LTBP4: variants seen among roughly 807,000 people sequenced by gnomAD.
The protein encoded by LTBP4 is latent-transforming growth factor beta-binding protein 4.
In LTBP4, 93 loss-of-function variants were observed where a neutral mutation model predicts 180.2. The observed-to-expected ratio is 0.52, with a 90% CI of 0.44 to 0.61. The LOEUF is 0.61. LTBP4 is among the 20% of genes least tolerant of loss of function. The pLI is 0.00. For missense variants in LTBP4, 2,116 were observed against 2,256.5 expected (o/e 0.94, Z 1.26); for synonymous variants, 947 against 934.5 (o/e 1.01, Z -0.24).
Position 40,622,256 on chromosome 19 carries a change from G to A in LTBP4, c.3218-145G>A. On this transcript the variant is annotated intron_variant, in intron 22 of 29. Transcript: ENST00000396819. The surrounding 1 kb of genome is among the most constrained non-coding windows in gnomAD (Gnocchi z 5.1). ...GAGAAAGAGAAACAGTGACAGAGGA[G>A]CGTGAGAGGTGTGGAGTCTGGTTCT... 1 of 806,968 alleles carries A rather than the reference G, an allele frequency of 1.2e-6. No individual in the cohort carries two copies. Among genetic ancestry groups the A allele is most frequent in the Non-Finnish European group, 1.9e-6 (1 of 529,412 alleles). The allele number at this position is 806,968 out of a possible 1,614,324, so 50.0% of individuals were successfully genotyped here.
intron 28 of LTBP4, 142 bp from the exon 29 acceptor site, chr19:40,627,563 G>A (rs2081644804): frequency 7.8e-7 from 1 of 1,279,022 alleles, no homozygotes; most frequent in African/African-American, 1.5e-5. Flanking sequence ...TAAGCTTACT[G>A]GCCCCGCAGC....
rs76805971 is a variant in LTBP4, at chr19:40,627,541, G to T, written c.4367-164G>T. 0.017 allele frequency among the ~76,000 whole-genome samples: 2,600 copies of T among 152,284 alleles called. 55 individuals carry two copies. Among genetic ancestry groups the T allele is most frequent in the African/African-American group, 0.051 (2,136 of 41,556 alleles). ...AGAAGGTGGCAGAGGGAAAGCTGGC[G>T]AGAGAATGAGGTAAGCTTACTGGCC... On this transcript the variant is annotated intron_variant, in intron 28 of 29. Transcript: ENST00000396819.
intron 7 of LTBP4, 103 bp from the exon 8 acceptor site, chr19:40,608,117 C>A: frequency 7.7e-7 from 1 of 1,300,812 alleles, no homozygotes; most frequent in South Asian, 1.3e-5. Context: ...ACCCCTGACA[C>A]TCTCCAGCCA....
In LTBP4 at chr19:40,623,040, C is replaced by T. The variant is rs1300185845; in HGVS notation, c.3556+19C>T. ...CGGAGAGGTGAGGCCAGCCTTTGACCCTCCACCCCACTCAGCTCTGAGGCC... is the reference window on the plus strand; with the variant it reads ...CGGAGAGGTGAGGCCAGCCTTTGACTCTCCACCCCACTCAGCTCTGAGGCC... On this transcript the variant is annotated intron_variant, in intron 24 of 29. Coordinates refer to ENST00000396819, the MANE Select transcript of LTBP4 (RefSeq NM_001042545.2). The T allele has an allele frequency of 1.3e-6, 2 of 1,589,766 alleles. No homozygotes were observed. The highest frequency in any genetic ancestry group is 8.6e-7 in the Non-Finnish European group (1 of 1,167,146).
chr19:40,609,889 C>A lies in LTBP4; in HGVS notation c.1684+18C>A. On this transcript the variant is annotated intron_variant, in intron 11 of 29. Transcript: ENST00000396819. The surrounding 1 kb of genome is among the most constrained non-coding windows in gnomAD (Gnocchi z 4.9). Reference sequence around the variant, plus strand: ...ATGCCTGGGTGAGAAATTTGCCCCACCCGGCTCCAGGCCCACCCCAGGGTC... The same window carrying A: ...ATGCCTGGGTGAGAAATTTGCCCCAACCGGCTCCAGGCCCACCCCAGGGTC... 6.6e-7 allele frequency: 1 copy of A among 1,517,370 alleles called. No homozygotes were observed. The highest frequency in any genetic ancestry group is 1.4e-5 in the African/African-American group (1 of 72,770). 94.0% of individuals were successfully genotyped at this position (1,517,370 alleles called of 1,614,324 possible).
chr19:40,629,246 C>A lies in LTBP4; in HGVS notation c.4520-150C>A. Reference sequence around the variant, plus strand: ...GCACAGTGAGGTTAAGCCACCTGGCCGGGCTCACACAGTTAGCAGATGGCA... The same window carrying A: ...GCACAGTGAGGTTAAGCCACCTGGCAGGGCTCACACAGTTAGCAGATGGCA... On this transcript the variant is annotated intron_variant, in intron 29 of 29. Coordinates refer to ENST00000396819, the MANE Select transcript of LTBP4 (RefSeq NM_001042545.2). This position sits in a 1 kb window ranked among gnomAD's most constrained non-coding sequence, Gnocchi z 4.5. 1 of 947,546 alleles carries A rather than the reference C, an allele frequency of 1.1e-6. No homozygotes were observed. Among genetic ancestry groups the A allele is most frequent in the Non-Finnish European group, 1.6e-6 (1 of 614,942 alleles). 58.7% of individuals were successfully genotyped at this position (947,546 alleles called of 1,614,324 possible).
chr19:40,603,887 C>T (rs2081440357), intron 1 of LTBP4, among the ~76,000 whole-genome samples: 1 of 152,262 alleles, frequency 6.6e-6, no homozygotes, highest in Admixed American at 6.5e-5. Flanking sequence ...CCTGCCCCCG[C>T]CGCACCTCTC....
chr19:40,627,907 C>T (rs2081649320), intron 29 of LTBP4, 50 bp downstream of exon 29: 3 of 1,524,462 alleles, frequency 2.0e-6, no homozygotes, highest in South Asian at 2.4e-5. Flanking sequence ...GAGGCTTGTC[C>T]AGGGAGGGTG....
intron 21 of LTBP4, among the ~76,000 whole-genome samples, chr19:40,617,460 A>G (rs1390899573): frequency 6.6e-6 from 1 of 152,140 alleles, no homozygotes; most frequent in Non-Finnish European, 1.5e-5. Context: ...CCTGGTCAAC[A>G]TGGTGAAACC....
At chr19:40,600,177 G>A (rs2146013751), upstream of LTBP4, 2 of 1,250,554 alleles carry the variant, frequency 1.6e-6, no homozygotes, top group South Asian at 3.9e-5. This position sits in a 1 kb window ranked among gnomAD's most constrained non-coding sequence, Gnocchi z 4.4. Context: ...CAAGGCCCCG[G>A]GTAAGCACAT....
intron 25 of LTBP4, 81 bp downstream of exon 25, chr19:40,623,813 C>T: frequency 6.3e-7 from 1 of 1,598,454 alleles, no homozygotes; most frequent in South Asian, 1.1e-5. Context: ...ATGTGGCCAC[C>T]ACCAGCGGGA....
Position 40,617,059 on chromosome 19 carries a change from G to C in LTBP4, c.2944+39G>C, listed in dbSNP as rs551163210. ...AGGCATCGGGTGAGATGTGGAGATG[G>C]TAGAAGGTCCAGAAATGGCCTGACT... On this transcript the variant is annotated intron_variant, in intron 20 of 29. Transcript: ENST00000396819. 6.8e-6 allele frequency: 11 copies of C among 1,613,514 alleles called. No individual in the cohort carries two copies. The Admixed American group carries it at 1.7e-4, about 24-fold the overall frequency.
Position 40,623,669 on chromosome 19 carries a change from C to A in LTBP4, c.3622C>A (p.Pro1208Thr), listed in dbSNP as rs1279113122. The change falls in exon 25 of 30, where the codon CCG (proline) becomes ACG (threonine). Residue 1208 changes from proline to threonine, a missense_variant. Transcript: ENST00000396819. ...CKSGVCVNTA[P>T]GYSCYCSNGY... Reference sequence around the variant, plus strand: ...GAGTGGCGTGTGTGTGAACACGGCCCCGGGCTACTCATGCTATTGCAGCAA... The same window carrying A: ...GAGTGGCGTGTGTGTGAACACGGCCACGGGCTACTCATGCTATTGCAGCAA... 6.2e-7 allele frequency: 1 copy of A among 1,613,886 alleles called. No homozygotes were observed. Among genetic ancestry groups the A allele is most frequent in the Non-Finnish European group, 8.5e-7 (1 of 1,179,878 alleles).
In LTBP4 at chr19:40,625,890, G is replaced by C; in HGVS notation, c.3866G>C (p.Gly1289Ala). 1 of 1,598,322 alleles carries C rather than the reference G, an allele frequency of 6.3e-7. No individual in the cohort carries two copies. ...CTGGGAGTGTGCTGGCAGGAAGTGGGGGCTGACCTCGTGTGCAGCCACCCT... is the reference window on the plus strand; with the variant it reads ...CTGGGAGTGTGCTGGCAGGAAGTGGCGGCTGACCTCGTGTGCAGCCACCCT... ...DNLGVCWQEVGADLVCSHPRL... is the reference protein window; with the variant it reads ...DNLGVCWQEVAADLVCSHPRL... The change falls in exon 27 of 30, where the codon GGG becomes GCG. Residue 1289 changes from glycine to alanine, a missense_variant. Transcript: ENST00000396819.
chr19:40,625,282 A>T (rs868253817), intron 26 of LTBP4, among the ~76,000 whole-genome samples: 17 of 6,016 alleles, frequency 2.8e-3, no homozygotes, highest in African/African-American at 6.7e-3. Context: ...ATATATATAT[A>T]TATATATATA....
At position 40,623,641 on chromosome 19, in the gene LTBP4, C is replaced by T. The variant is rs2081602974; in HGVS notation, c.3594C>T (p.Cys1198=). 1.9e-6 allele frequency: 3 copies of T among 1,613,832 alleles called. No individual in the cohort carries two copies. The highest frequency in any genetic ancestry group is 2.5e-6 in the Non-Finnish European group (3 of 1,179,862). The change falls in exon 25 of 30, where the codon TGC becomes TGT. Residue 1198 remains cysteine, a synonymous_variant. Coordinates refer to ENST00000396819, the MANE Select transcript of LTBP4 (RefSeq NM_001042545.2). ...GTCAGCTCTTCCGAGACCAGGTGTG[C>T]AAGAGTGGCGTGTGTGTGAACACGG... The part of the protein sequence containing the change: ...DECQLFRDQV[C]KSGVCVNTAP...
chr19:40,623,869 C>T, intron 25 of LTBP4, 67 bp from the exon 26 acceptor site: 1 of 1,602,028 alleles, frequency 6.2e-7, no homozygotes, highest in Non-Finnish European at 8.5e-7. Flanking sequence ...TGCCAATGTG[C>T]TGGGAAGAGA....
At chr19:40,627,908 A>T in intron 29 of LTBP4, 51 bp downstream of exon 29, 1 of 1,524,060 alleles carries the variant, frequency 6.6e-7, no homozygotes. Flanking sequence ...AGGCTTGTCC[A>T]GGGAGGGTGG....
intron 7 of LTBP4, 63 bp downstream of exon 7, chr19:40,607,592 A>C (rs2081473006): frequency 6.8e-7 from 1 of 1,478,736 alleles, no homozygotes; most frequent in African/African-American, 1.4e-5. Context: ...TCTACGCCCC[A>C]CCCTCCAACC....
Sources: allele counts gnomAD v4.1 joint callset (sites outside exome capture counted in the v4.1 genomes callset), GRCh38; gene constraint gnomAD v4.1.1; non-coding constraint Gnocchi (gnomAD v3.1); transcripts MANE v1.5; gene names NCBI Gene and HGNC (gene_info 2026-07-23, HGNC 2026-07-21).